The following NETO1 variants were observed in gnomAD, a reference collection of about 807,000 sequenced individuals.
NETO1 encodes neuropilin and tolloid-like protein 1.
A neutral mutation model predicts 61.3 loss-of-function variants in NETO1; 26 were observed. That is an observed-to-expected ratio of 0.42 (90% confidence interval 0.31 to 0.59). NETO1 has a LOEUF of 0.59. NETO1 is among the 20% of genes least tolerant of loss of function. The pLI is 0.12. For missense variants in NETO1, 531 were observed against 662.8 expected (o/e 0.80, Z 2.18); for synonymous variants, 225 against 225.8 (o/e 1.00, Z 0.03).
chr18:72,788,900 A>G (rs1359599514), intron 6 of NETO1, among the ~76,000 whole-genome samples: 1 of 152,144 alleles, frequency 6.6e-6, no homozygotes, highest in Admixed American at 6.6e-5. Context: ...TATACAGAAA[A>G]TAGACATTAT....
chr18:72,858,919 T>C lies in NETO1; in HGVS notation c.376A>G (p.Ile126Val). The C allele has an allele frequency of 6.2e-7, 1 of 1,613,992 alleles. No individual in the cohort carries two copies. Among genetic ancestry groups the C allele is most frequent in the Non-Finnish European group, 8.5e-7 (1 of 1,179,888 alleles). ...CATAGAAATCTTCCACTGGATTTTA[T>C]GACAGGTGGATTTTGTTGTCCACAG... is the stretch of plus-strand genomic sequence containing the variant. ...RFCGQQNPPVIKSSGRFLWIK... is the reference protein window; with the variant it reads ...RFCGQQNPPVVKSSGRFLWIK... The change falls in exon 4 of 11, where the codon ATA (isoleucine) becomes GTA (valine). Residue 126 changes from isoleucine to valine, a missense_variant. Coordinates refer to ENST00000327305, the MANE Select transcript of NETO1 (RefSeq NM_138966.5).
chr18:72,762,379 G>A (rs2071006639), intron 7 of NETO1, among the ~76,000 whole-genome samples: 1 of 152,050 alleles, frequency 6.6e-6, no homozygotes, highest in Non-Finnish European at 1.5e-5. Flanking sequence ...ATGCACTTAT[G>A]TAAATTATTT....
intron 4 of NETO1, among the ~76,000 whole-genome samples, chr18:72,844,100 A>C (rs1330151351): frequency 1.3e-5 from 2 of 152,194 alleles, no homozygotes; most frequent in African/African-American, 4.8e-5. Context: ...TTTAAAAGCA[A>C]ACAGAACATT....
At chr18:72,847,844 T>C (rs569586760) in intron 4 of NETO1, among the ~76,000 whole-genome samples, 85 of 152,278 alleles carry the variant, frequency 5.6e-4, no homozygotes, top group African/African-American at 2.0e-3. Context: ...GTATCACTCC[T>C]CAAAGTGATA....
At position 72,867,862 on chromosome 18, in the gene NETO1, G is replaced by C. The variant is rs2074788394; in HGVS notation, c.-571C>G. The C allele has an allele frequency of 1.3e-5, 2 of 152,272 alleles. No individual in the cohort carries two copies. The highest frequency in any genetic ancestry group is 1.3e-4 in the Admixed American group (2 of 15,192). 9.4% of individuals were successfully genotyped at this position (152,272 alleles called of 1,614,324 possible). On this transcript the variant is annotated 5_prime_UTR_variant, in exon 1 of 11. Transcript: ENST00000327305. ...CGCAGCAGGTCGGAGCAGCCTCCCCGGGAGGATGTCCAGCGGCAGCGCTCC... is the reference window on the plus strand; with the variant it reads ...CGCAGCAGGTCGGAGCAGCCTCCCCCGGAGGATGTCCAGCGGCAGCGCTCC...
Position 72,859,144 on chromosome 18 carries a change from T to C in NETO1, c.221-70A>G, listed in dbSNP as rs1468579494. 3 of 1,421,096 alleles carry C rather than the reference T, an allele frequency of 2.1e-6. No individual in the cohort carries two copies. In the African/African-American group the frequency reaches 4.3e-5, roughly 20 times the overall value. 88.0% of individuals were successfully genotyped at this position (1,421,096 alleles called of 1,614,324 possible). On this transcript the variant is annotated intron_variant, in intron 3 of 10. Transcript: ENST00000327305. ...TTCAGGTTGATGTTTTCTGATTCTA[T>C]TTCAGATGTTATTTGTACATCTTCT...
intron 7 of NETO1, among the ~76,000 whole-genome samples, chr18:72,764,879 T>C (rs575597388): frequency 2.6e-5 from 4 of 152,284 alleles, no homozygotes; most frequent in African/African-American, 9.6e-5. Context: ...CCGGATACCG[T>C]TGAGCCAGTG....
At chr18:72,793,507 A>G (rs905777939) in intron 6 of NETO1, among the ~76,000 whole-genome samples, 1 of 152,198 alleles carries the variant, frequency 6.6e-6, no homozygotes, top group African/African-American at 2.4e-5. Flanking sequence ...CAGGGTGATC[A>G]ACATAAAATC....
chr18:72,772,825 C>CTCTCTCTATATA (rs1568187563), intron 7 of NETO1, among the ~76,000 whole-genome samples: 4 of 40,856 alleles, frequency 9.8e-5, no homozygotes, highest in Admixed American at 2.6e-4. Context: ...CTCTCTCTCT[C>CTCTCTCTATATA]TATATATATA....
At position 72,797,526 on chromosome 18, in the gene NETO1, G is replaced by A. The variant is rs913234084; in HGVS notation, c.470-3122C>T. On this transcript the variant is annotated intron_variant, in intron 4 of 10. Coordinates refer to ENST00000327305, the MANE Select transcript of NETO1 (RefSeq NM_138966.5). ...AGATTGATTGGCCAAGGTTGTTTGT[G>A]GATGAGGACATGAATTATTAGGCAG... 1.3e-5 allele frequency among the ~76,000 whole-genome samples: 2 copies of A among 152,238 alleles called. 1 individual carries two copies. Among genetic ancestry groups the A allele is most frequent in the Admixed American group, 1.3e-4 (2 of 15,306 alleles).
At chr18:72,841,590 C>T (rs971776565) in intron 4 of NETO1, among the ~76,000 whole-genome samples, 3 of 151,622 alleles carry the variant, frequency 2.0e-5, no homozygotes, top group Non-Finnish European at 4.4e-5. Flanking sequence ...AATAATCAGC[C>T]GGGCATGGTA....
intron 7 of NETO1, among the ~76,000 whole-genome samples, chr18:72,781,259 T>C (rs986331934): frequency 6.6e-6 from 1 of 152,078 alleles, no homozygotes; most frequent in Non-Finnish European, 1.5e-5. Context: ...TAAATACGAG[T>C]TCTTGGTATG....
At position 72,763,942 on chromosome 18, in the gene NETO1, C is replaced by T. The variant is rs1459729032; in HGVS notation, c.869-7795G>A. 6.6e-5 allele frequency among the ~76,000 whole-genome samples: 10 copies of T among 152,244 alleles called. No individual in the cohort carries two copies. The East Asian group carries it at 1.7e-3, about 27-fold the overall frequency. ...TCTTCATGTTGGAAGGCAAAACAGGCACTTCTTACATGGTGGCAGGAGAGA... is the reference window on the plus strand; with the variant it reads ...TCTTCATGTTGGAAGGCAAAACAGGTACTTCTTACATGGTGGCAGGAGAGA... On this transcript the variant is annotated intron_variant, in intron 7 of 10. Coordinates refer to ENST00000327305, the MANE Select transcript of NETO1 (RefSeq NM_138966.5).
intron 4 of NETO1, among the ~76,000 whole-genome samples, chr18:72,840,222 G>A (rs6566671): frequency 0.96 from 146,255 of 152,314 alleles, 70,309 homozygotes; most frequent in Non-Finnish European, 0.99. Flanking sequence ...TCAGAATAAT[G>A]TCTGCATGAT....
chr18:72,844,176 A>G (rs1160793629), intron 4 of NETO1, among the ~76,000 whole-genome samples: 1 of 152,236 alleles, frequency 6.6e-6, no homozygotes, highest in Non-Finnish European at 1.5e-5. Context: ...CAGCAGCCAC[A>G]GTCGTTTCTA....
intron 4 of NETO1, among the ~76,000 whole-genome samples, chr18:72,829,822 C>T (rs2073514639): frequency 6.6e-6 from 1 of 152,152 alleles, no homozygotes. Context: ...CTCTTGCTTT[C>T]CTGTTCTGTC....
At chr18:72,749,906 T>A (rs914016388) in intron 9 of NETO1, among the ~76,000 whole-genome samples, 156 bp downstream of exon 9, 1 of 151,868 alleles carries the variant, frequency 6.6e-6, no homozygotes, top group Non-Finnish European at 1.5e-5. Context: ...TGGATAGCAG[T>A]GAAAAGGAAA....
chr18:72,839,793 CAT>C (rs1568246809), intron 4 of NETO1, among the ~76,000 whole-genome samples: 9 of 152,208 alleles, frequency 5.9e-5, no homozygotes, highest in Non-Finnish European at 1.2e-4. Flanking sequence ...ATGTTTAAGA[CAT>C]GTTATAAGTT....
At chr18:72,819,320 T>C (rs1441857290) in intron 4 of NETO1, among the ~76,000 whole-genome samples, 1 of 152,156 alleles carries the variant, frequency 6.6e-6, no homozygotes, top group East Asian at 1.9e-4. Context: ...GTATATATAT[T>C]GATAACAAAC....
Sources: gnomAD v4.1 joint callset for allele counts (sites outside exome capture counted in the v4.1 genomes callset) on GRCh38, gnomAD v4.1.1 for gene constraint, MANE v1.5 for transcripts, NCBI Gene and HGNC (gene_info 2026-07-23, HGNC 2026-07-21) for gene names.